The following PSD3 variants were observed in gnomAD, a reference collection of about 807,000 sequenced individuals.
PSD3 encodes the protein PH and SEC7 domain-containing protein 3.
A neutral mutation model predicts 105.5 loss-of-function variants in PSD3; 49 were observed. The ratio of observed to expected loss-of-function variants is 0.46; its 90% CI spans 0.37 to 0.59. PSD3 has a LOEUF of 0.59. Among genes scored for constraint, PSD3 ranks in the 20% least tolerant of loss-of-function variants. The pLI is 0.00. For missense variants in PSD3, 1,561 were observed against 1,263.8 expected, an observed-to-expected ratio of 1.24 and a Z score of -3.57; for synonymous variants, 557 against 457.8, an observed-to-expected ratio of 1.22 and a Z score of -2.77.
intron 1 of PSD3, among the ~76,000 whole-genome samples, chr8:18,990,246 C>T (rs1186829874): frequency 1.3e-5 from 2 of 152,254 alleles, no homozygotes; most frequent in Non-Finnish European, 1.5e-5. Context: ...CAGTGACCTT[C>T]CATGTTCACA....
intron 9 of PSD3, among the ~76,000 whole-genome samples, chr8:18,742,721 C>T (rs1804671167): frequency 1.3e-5 from 2 of 152,140 alleles, no homozygotes; most frequent in Non-Finnish European, 2.9e-5. Flanking sequence ...AGGTTTTAAT[C>T]ACTCTAATAA....
intron 11 of PSD3, among the ~76,000 whole-genome samples, chr8:18,627,871 G>C (rs1478220819): frequency 6.6e-6 from 1 of 151,212 alleles, no homozygotes; most frequent in Non-Finnish European, 1.5e-5. Context: ...TTCCAGAAAC[G>C]ACAGAAAGGA....
upstream of PSD3, among the ~76,000 whole-genome samples, chr8:19,016,484 A>G (rs1488595052): frequency 6.6e-6 from 1 of 152,216 alleles, no homozygotes; most frequent in Non-Finnish European, 1.5e-5. Flanking sequence ...TTAGTACAAC[A>G]TGAACGTTTA....
intron 9 of PSD3, among the ~76,000 whole-genome samples, chr8:18,753,968 T>C (rs1362415552): frequency 6.6e-6 from 1 of 152,186 alleles, no homozygotes; most frequent in African/African-American, 2.4e-5. Flanking sequence ...TGCAACATTT[T>C]CTCTTTACCT....
intron 4 of PSD3, among the ~76,000 whole-genome samples, chr8:18,809,747 G>C (rs1451586244): frequency 6.6e-6 from 1 of 151,920 alleles, no homozygotes; most frequent in Non-Finnish European, 1.5e-5. Flanking sequence ...AATCCTTCTG[G>C]ATTTTTTCAC....
chr8:18,664,326 G>C (rs1018091495), intron 9 of PSD3, among the ~76,000 whole-genome samples: 1 of 152,210 alleles, frequency 6.6e-6, no homozygotes, highest in Non-Finnish European at 1.5e-5. Context: ...AAATATAAGA[G>C]AGTGAAACAG....
chr8:18,850,095 A>G (rs1483927364), intron 4 of PSD3, among the ~76,000 whole-genome samples: 2 of 152,258 alleles, frequency 1.3e-5, no homozygotes, highest in Non-Finnish European at 2.9e-5. Context: ...CACACAGGAT[A>G]GATGTACTTC....
At chr8:18,837,945 GC>G (rs930740315) in intron 4 of PSD3, among the ~76,000 whole-genome samples, 1 of 152,174 alleles carries the variant, frequency 6.6e-6, no homozygotes, top group African/African-American at 2.4e-5. Context: ...CAGGCAGATG[GC>G]TAGTAGGTAA....
chr8:18,650,942 T>C (rs1808425759), intron 10 of PSD3, among the ~76,000 whole-genome samples: 1 of 152,106 alleles, frequency 6.6e-6, no homozygotes, highest in African/African-American at 2.4e-5. Context: ...CTGGGGAAAA[T>C]CCTGGCCTTC....
intron 2 of PSD3, among the ~76,000 whole-genome samples, chr8:18,901,239 T>G (rs778497049): frequency 6.6e-6 from 1 of 152,174 alleles, no homozygotes; most frequent in Non-Finnish European, 1.5e-5. Flanking sequence ...TCCCAAAAAA[T>G]TAAACAACAT....
intron 9 of PSD3, among the ~76,000 whole-genome samples, chr8:18,749,797 G>C (rs1468709276): frequency 6.6e-6 from 1 of 152,106 alleles, no homozygotes; most frequent in Non-Finnish European, 1.5e-5. Flanking sequence ...CACACGCAAA[G>C]GACTAAAGGT....
intron 8 of PSD3, among the ~76,000 whole-genome samples, chr8:18,776,393 T>G (rs142207507): frequency 0.044 from 6,602 of 148,526 alleles, 435 homozygotes; most frequent in African/African-American, 0.14. Context: ...ATTTTTTTTT[T>G]TTGTTTTTGA....
intron 11 of PSD3, 138 bp downstream of exon 11, chr8:18,632,475 G>C: frequency 1.1e-6 from 1 of 902,266 alleles, no homozygotes; most frequent in East Asian, 2.7e-5. Flanking sequence ...TTTAGGGTTA[G>C]AGGCTTTATC....
At chr8:18,736,706 A>G (rs1424568104) in intron 9 of PSD3, among the ~76,000 whole-genome samples, 3 of 152,214 alleles carry the variant, frequency 2.0e-5, no homozygotes, top group African/African-American at 7.2e-5. Context: ...AAAACAAGAG[A>G]TGAAAAAAAT....
chr8:18,552,129 T>G (rs1038059605), intron 15 of PSD3, among the ~76,000 whole-genome samples: 1 of 152,194 alleles, frequency 6.6e-6, no homozygotes, highest in Non-Finnish European at 1.5e-5. Context: ...TGGCATTGCG[T>G]CGGCTGGTTT....
chr8:18,667,257 C>G (rs564567733), intron 9 of PSD3, among the ~76,000 whole-genome samples: 1 of 152,294 alleles, frequency 6.6e-6, no homozygotes, highest in Admixed American at 6.5e-5. Context: ...TGACAAGGTG[C>G]TGACTGGTGC....
In PSD3 at chr8:18,662,891, G is replaced by T. The variant is rs118050607; in HGVS notation, c.2173-7206C>A. On this transcript the variant is annotated intron_variant, in intron 9 of 15. Transcript: ENST00000327040. ...GCACATTTTAAAATTGCAAATGAAC[G>T]AACAAGAATAGGAGAGGGAGTGGGA... Among the ~76,000 whole-genome samples, 13 of 152,164 alleles carry T rather than the reference G, an allele frequency of 8.5e-5. No homozygotes were observed. The East Asian group carries it at 2.1e-3, about 25-fold the overall frequency.
chr8:18,999,436 G>C (rs1459424540), intron 1 of PSD3, among the ~76,000 whole-genome samples: 2 of 151,848 alleles, frequency 1.3e-5, no homozygotes, highest in Non-Finnish European at 2.9e-5. Context: ...CTGCCCACAT[G>C]ACTGAGGTGG....
chr8:18,999,672 A>G (rs1466869538), intron 1 of PSD3, among the ~76,000 whole-genome samples: 2 of 151,878 alleles, frequency 1.3e-5, no homozygotes, highest in Non-Finnish European at 1.5e-5. Context: ...AACAGAGGCA[A>G]AATAAAACTT....
Sources: allele counts gnomAD v4.1 joint callset (sites outside exome capture counted in the v4.1 genomes callset), GRCh38; gene constraint gnomAD v4.1.1; transcripts MANE v1.5; gene names NCBI Gene and HGNC (gene_info 2026-07-23, HGNC 2026-07-21).